Variants in SAMM50 observed in about 807,000 individuals in gnomAD.
SAMM50 encodes the protein SAMM50 sorting and assembly machinery component, also known as sorting and assembly machinery component 50 homolog.
Under a neutral mutation model 66.9 loss-of-function variants are expected in SAMM50, and 47 were observed. The ratio of observed to expected loss-of-function variants is 0.70; its 90% confidence interval spans 0.56 to 0.90. The LOEUF (loss-of-function observed/expected upper bound fraction) is 0.90. SAMM50 is among the 40% of genes least tolerant of loss of function. SAMM50 has a pLI of 0.00. For missense variants in SAMM50, 535 were observed against 595.3 expected (o/e 0.90, Z 1.05); for synonymous variants, 191 against 214.1 (o/e 0.89, Z 0.94).
At chr22:43,964,836 C>T (rs556925550) in intron 3 of SAMM50, among the ~76,000 whole-genome samples, 95 of 152,304 alleles carry the variant, frequency 6.2e-4, no homozygotes, top group Non-Finnish European at 1.2e-3. Context: ...CGCCGTAATG[C>T]GAGCCAGTGG....
At chr22:43,965,783 C>A (rs1473596020) in intron 3 of SAMM50, among the ~76,000 whole-genome samples, 1 of 151,966 alleles carries the variant, frequency 6.6e-6, no homozygotes, top group African/African-American at 2.4e-5. Flanking sequence ...TCAGTACATA[C>A]CAGTCTGTTG....
At chr22:43,996,224 C>CAGG (rs1300102166) in intron 14 of SAMM50, 114 bp from the exon 15 acceptor site, 2 of 1,133,232 alleles carry the variant, frequency 1.8e-6, no homozygotes, top group African/African-American at 1.5e-5. Flanking sequence ...AGGAAGGCAG[C>CAGG]AGGAGGAGGA....
In SAMM50 at chr22:43,955,482, T is replaced by G; in HGVS notation, c.-96T>G. ...GGGGTTTGTGGGAGTTGCCTTGACC[T>G]GCAGCTCCGCCACCGCGGACCCGCC... On this transcript the variant is annotated 5_prime_UTR_variant, in exon 1 of 15. Transcript: ENST00000350028. 2.1e-6 allele frequency: 3 copies of G among 1,432,582 alleles called. No individual in the cohort carries two copies. The highest frequency in any genetic ancestry group is 2.9e-6 in the Non-Finnish European group (3 of 1,043,058). 88.7% of individuals were successfully genotyped at this position (1,432,582 alleles called of 1,614,324 possible).
At chr22:43,966,091 T>G (rs1411128975) in intron 3 of SAMM50, among the ~76,000 whole-genome samples, 1 of 152,328 alleles carries the variant, frequency 6.6e-6, no homozygotes, top group African/African-American at 2.4e-5. Flanking sequence ...CCTCCCAACT[T>G]GGCCTTCCAA....
chr22:43,978,266 A>G (rs2050243485), intron 10 of SAMM50, among the ~76,000 whole-genome samples: 1 of 151,040 alleles, frequency 6.6e-6, no homozygotes, highest in South Asian at 2.1e-4. Context: ...ACACGGTGAA[A>G]CCCTGTCTAC....
At position 43,984,040 on chromosome 22, in the gene SAMM50, C is replaced by T. The variant is rs1359426080; in HGVS notation, c.1075+40C>T. 27 of 1,560,966 alleles carry T rather than the reference C, an allele frequency of 1.7e-5. No individual in the cohort carries two copies. In the East Asian group the frequency reaches 3.5e-4, roughly 20 times the overall value. On this transcript the variant is annotated intron_variant, in intron 12 of 14. Transcript: ENST00000350028. Reference sequence around the variant, plus strand: ...CTCACGGCGCCAAGTCTAGAAGGCTCGCGTCTCACTTTGGAAACCATGTAC... The same window carrying T: ...CTCACGGCGCCAAGTCTAGAAGGCTTGCGTCTCACTTTGGAAACCATGTAC...
chr22:43,982,315 G>A (rs772295053), intron 11 of SAMM50, among the ~76,000 whole-genome samples: 2 of 152,210 alleles, frequency 1.3e-5, no homozygotes, highest in Non-Finnish European at 2.9e-5. Context: ...GAATAGCAAA[G>A]AATTTGAAAC....
At chr22:43,964,348 G>A (rs2050162225) in intron 2 of SAMM50, 104 bp from the exon 3 acceptor site, 4 of 619,248 alleles carry the variant, frequency 6.5e-6, no homozygotes, top group African/African-American at 1.9e-5. Flanking sequence ...TATTAAACTT[G>A]AAGAAAACCT....
intron 1 of SAMM50, 70 bp from the exon 2 acceptor site, chr22:43,963,216 A>G: frequency 1.0e-6 from 1 of 963,172 alleles, no homozygotes; most frequent in Non-Finnish European, 1.6e-6. Flanking sequence ...ATCTAAAGAC[A>G]AAACTCAAAG....
chr22:43,990,484 C>A, intron 14 of SAMM50, 78 bp downstream of exon 14: 1 of 1,357,992 alleles, frequency 7.4e-7, no homozygotes, highest in African/African-American at 1.4e-5. Flanking sequence ...TGGTTAATTT[C>A]ATTAGTGGCT....
chr22:43,990,943 T>C (rs1166529265), intron 14 of SAMM50, among the ~76,000 whole-genome samples: 2 of 151,942 alleles, frequency 1.3e-5, no homozygotes, highest in East Asian at 3.9e-4. Context: ...TACACAGTTA[T>C]ATAAACAAAT....
At chr22:43,971,316 A>G (rs540347804) in intron 4 of SAMM50, among the ~76,000 whole-genome samples, 12 of 152,352 alleles carry the variant, frequency 7.9e-5, no homozygotes, top group African/African-American at 2.9e-4. Context: ...TGTACAAGGC[A>G]GGAGTCGCCT....
At chr22:43,985,807 G>A (rs938260290) in intron 12 of SAMM50, among the ~76,000 whole-genome samples, 10 of 151,892 alleles carry the variant, frequency 6.6e-5, no homozygotes, top group Non-Finnish European at 1.3e-4. Context: ...CGGGGTGGCC[G>A]CGTCCTTTTG....
intron 7 of SAMM50, among the ~76,000 whole-genome samples, chr22:43,974,082 A>G (rs1175170548): frequency 6.7e-6 from 1 of 150,134 alleles, no homozygotes; most frequent in African/African-American, 2.5e-5. Context: ...TCTGGGCTTT[A>G]GTTCTTGCGG....
At chr22:43,987,762 G>T (rs564909652) in intron 12 of SAMM50, 16 of 152,230 alleles carry the variant, frequency 1.1e-4, no homozygotes, top group African/African-American at 3.6e-4. Context: ...GACAATAGAA[G>T]AGAAATAGAT....
Position 43,972,355 on chromosome 22 carries a change from C to A in SAMM50, c.429+13C>A. ...TGAAGGCAGTATGGTATGCTACAGG[C>A]TTTTTACTTTCTTATATTGGAACTT... On this transcript the variant is annotated intron_variant, in intron 5 of 14. Transcript: ENST00000350028. 1 of 1,458,258 alleles carries A rather than the reference C, an allele frequency of 6.9e-7. No individual in the cohort carries two copies. Among genetic ancestry groups the A allele is most frequent in the Non-Finnish European group, 9.3e-7 (1 of 1,074,006 alleles). 90.3% of individuals were successfully genotyped at this position (1,458,258 alleles called of 1,614,324 possible).
chr22:43,968,331 C>T (rs534444950), intron 3 of SAMM50, among the ~76,000 whole-genome samples: 1 of 151,170 alleles, frequency 6.6e-6, no homozygotes, highest in African/African-American at 2.4e-5. Context: ...ATTTCTTCCT[C>T]AAAGGGAGAG....
Position 43,983,779 on chromosome 22 carries a change from C to T in SAMM50, c.1008-154C>T, listed in dbSNP as rs1198696569. ...TATGAAATTCCCCTGTAGTGTGCAC[C>T]CTCTTGGTCTTTCTCAAAGGTTTTG... On this transcript the variant is annotated intron_variant, in intron 11 of 14. Transcript: ENST00000350028. This position sits in a 1 kb window ranked among gnomAD's most constrained non-coding sequence, Gnocchi z 4.2. Among the ~76,000 whole-genome samples the T allele has an allele frequency of 6.6e-6, 1 of 151,874 alleles. No homozygotes were observed. Among genetic ancestry groups the T allele is most frequent in the Non-Finnish European group, 1.5e-5 (1 of 67,990 alleles).
At chr22:43,978,288 A>C (rs915226178) in intron 10 of SAMM50, among the ~76,000 whole-genome samples, 1 of 151,792 alleles carries the variant, frequency 6.6e-6, no homozygotes, top group African/African-American at 2.4e-5. Flanking sequence ...AAAAAAAATT[A>C]GCCGGGCGTG....
Sources: gnomAD v4.1 joint callset for allele counts (sites outside exome capture counted in the v4.1 genomes callset) on GRCh38, gnomAD v4.1.1 for gene constraint, Gnocchi (gnomAD v3.1) non-coding constraint, MANE v1.5 for transcripts, NCBI Gene and HGNC (gene_info 2026-07-23, HGNC 2026-07-21) for gene names.